Variants in NRG1 observed in about 807,000 individuals in gnomAD.
NRG1 encodes pro-neuregulin-1, membrane-bound isoform.
In NRG1, 18 loss-of-function variants were observed where a neutral mutation model predicts 63.8. The observed-to-expected ratio is 0.28, with a 90% confidence interval of 0.19 to 0.42. The LOEUF is 0.42. Ranked by LOEUF, NRG1 falls within the 10% of genes least tolerant of loss-of-function variation. The pLI is 1.00. For missense variants in NRG1, 762 were observed against 814.7 expected (o/e 0.94, Z 0.79); for synonymous variants, 302 against 301.3 (o/e 1.00, Z -0.02).
intron 1 of NRG1, among the ~76,000 whole-genome samples, chr8:32,273,050 C>T (rs1350261920): frequency 6.6e-6 from 1 of 152,086 alleles, no homozygotes. Flanking sequence ...TTCATTTCTC[C>T]ATAAATTTGC....
chr8:31,803,413 T>A (rs938271181), intron 1 of NRG1, among the ~76,000 whole-genome samples: 4 of 152,332 alleles, frequency 2.6e-5, no homozygotes, highest in African/African-American at 9.6e-5. Context: ...CTATTCACCT[T>A]CCTACTCAGT....
At position 32,296,616 on chromosome 8, in the gene NRG1, C is replaced by CA. The variant is rs34816837; in HGVS notation, c.38-299195dup. Among the ~76,000 whole-genome samples the CA allele has an allele frequency of 3.7e-3, 370 of 100,424 alleles. 1 individual carries two copies. Among genetic ancestry groups the CA allele is most frequent in the East Asian group, 6.5e-3 (16 of 2,454 alleles). The allele number at this position is 100,424 out of a possible 152,430, so 65.9% of individuals were successfully genotyped here. ...GGGCGACAAGAGTGAAACTTTGTCC[C>CA]AAAAAAAAAAAAAAAAAGCTTCCTT... On this transcript the variant is annotated intron_variant, in intron 1 of 10. Coordinates refer to the NRG1 transcript ENST00000519301.
chr8:31,945,422 T>G (rs1186368438), intron 1 of NRG1, among the ~76,000 whole-genome samples: 1 of 152,134 alleles, frequency 6.6e-6, no homozygotes, highest in African/African-American at 2.4e-5. Context: ...CTTATATTTT[T>G]GCTGTTATAC....
At chr8:32,290,364 G>T (rs953072543) in intron 1 of NRG1, among the ~76,000 whole-genome samples, 3 of 151,880 alleles carry the variant, frequency 2.0e-5, no homozygotes, top group Non-Finnish European at 2.9e-5. Flanking sequence ...CATATATATA[G>T]AGAGAGGGTG....
At chr8:32,063,869 G>A (rs1003989299) in intron 1 of NRG1, among the ~76,000 whole-genome samples, 5 of 151,510 alleles carry the variant, frequency 3.3e-5, no homozygotes, top group East Asian at 1.9e-4. Flanking sequence ...TTAATAAAAC[G>A]CAAACATTTT....
chr8:31,639,389 A>G (rs1168435598), exon 1 of NRG1: 5 of 1,534,478 alleles, frequency 3.3e-6, no homozygotes, highest in Non-Finnish European at 4.4e-6. Context: ...CCGCTCCGGC[A>G]GCAGCATGGG....
At chr8:32,282,818 A>G (rs1323690747) in intron 1 of NRG1, among the ~76,000 whole-genome samples, 3 of 152,236 alleles carry the variant, frequency 2.0e-5, no homozygotes, top group Non-Finnish European at 1.5e-5. Context: ...TAATTCCTAT[A>G]TAAGAATAAT....
chr8:32,091,604 G>A (rs1333016900), intron 1 of NRG1, among the ~76,000 whole-genome samples: 2 of 152,148 alleles, frequency 1.3e-5, no homozygotes, highest in African/African-American at 4.8e-5. Context: ...CCATATCCAA[G>A]GCCAGAGTGA....
intron 1 of NRG1, among the ~76,000 whole-genome samples, chr8:31,886,799 A>AG (rs1830750557): frequency 1.3e-5 from 2 of 152,022 alleles, no homozygotes; most frequent in African/African-American, 4.8e-5. Flanking sequence ...AGCTTCTCCA[A>AG]ATCTTGGAGA....
intron 1 of NRG1, among the ~76,000 whole-genome samples, chr8:32,459,480 G>C (rs1260337681): frequency 6.6e-6 from 1 of 151,596 alleles, no homozygotes; most frequent in East Asian, 1.9e-4. Context: ...TCTCTTTGAT[G>C]TATGATTTAG....
At chr8:32,701,929 G>A (rs1449295907) in intron 5 of NRG1, among the ~76,000 whole-genome samples, 1 of 152,194 alleles carries the variant, frequency 6.6e-6, no homozygotes, top group African/African-American at 2.4e-5. Flanking sequence ...GATCACAAAT[G>A]TGACTTTTCC....
At chr8:32,154,126 C>G (rs891353840) in intron 1 of NRG1, among the ~76,000 whole-genome samples, 1 of 152,144 alleles carries the variant, frequency 6.6e-6, no homozygotes, top group Non-Finnish European at 1.5e-5. Context: ...AACTAGAGTG[C>G]TCAAGCAGCA....
intron 4 of NRG1, among the ~76,000 whole-genome samples, chr8:32,615,621 T>C (rs1206542322): frequency 6.6e-6 from 1 of 152,106 alleles, no homozygotes; most frequent in Non-Finnish European, 1.5e-5. Context: ...GTTGAAACTA[T>C]AGAATGACCT....
intron 1 of NRG1, among the ~76,000 whole-genome samples, chr8:32,486,627 A>ATTTTT (rs1554557143): frequency 4.8e-5 from 7 of 145,516 alleles, no homozygotes; most frequent in Non-Finnish European, 9.0e-5. Context: ...GAATTGCTGG[A>ATTTTT]TTTTTTTTTT....
intron 1 of NRG1, among the ~76,000 whole-genome samples, chr8:32,427,202 C>T (rs531648725): frequency 6.6e-6 from 1 of 152,242 alleles, no homozygotes; most frequent in African/African-American, 2.4e-5. Context: ...AGTAGAAAAG[C>T]CATTGTGATA....
At position 32,730,166 on chromosome 8, in the gene NRG1, G is replaced by A. The variant is rs1823273815; in HGVS notation, c.632+2088G>A. Among the ~76,000 whole-genome samples, 5 of 152,286 alleles carry A rather than the reference G, an allele frequency of 3.3e-5. No individual in the cohort carries two copies. The South Asian group carries it at 8.3e-4, about 25-fold the overall frequency. On this transcript the variant is annotated intron_variant, in intron 6 of 11. Transcript: ENST00000356819. The stretch of plus-strand genomic sequence containing the variant: ...AAAATATTAAAGCAAGATGAAATAC[G>A]AGTATGAGGCCAGGTGCATGCCTGT...
chr8:31,910,196 A>G (rs904165092), intron 1 of NRG1, among the ~76,000 whole-genome samples: 2 of 152,234 alleles, frequency 1.3e-5, no homozygotes, highest in African/African-American at 2.4e-5. Context: ...TCCAGGCTAC[A>G]AGACCAATCA....
intron 1 of NRG1, among the ~76,000 whole-genome samples, chr8:31,922,940 A>G (rs2129619125): frequency 6.6e-6 from 1 of 152,282 alleles, no homozygotes; most frequent in Admixed American, 6.5e-5. Context: ...GGGAAGCAAA[A>G]CACACAGAAT....
intron 1 of NRG1, among the ~76,000 whole-genome samples, chr8:32,455,939 G>C (rs995413084): frequency 1.3e-5 from 2 of 152,056 alleles, no homozygotes; most frequent in African/African-American, 4.8e-5. Flanking sequence ...ACACCACCAC[G>C]CCCAGCTAAT....
Sources: allele counts gnomAD v4.1 joint callset (sites outside exome capture counted in the v4.1 genomes callset), GRCh38; gene constraint gnomAD v4.1.1; transcripts MANE v1.5; gene names NCBI Gene and HGNC (gene_info 2026-07-23, HGNC 2026-07-21).